Variants in LNX1 observed in about 807,000 individuals in gnomAD.
LNX1 encodes ligand of numb-protein X 1, also known as E3 ubiquitin-protein ligase LNX.
LNX1 carries 54 observed loss-of-function variants against 68.4 expected under a neutral mutation model. The observed-to-expected ratio is 0.79, with a 90% CI of 0.63 to 0.99. The LOEUF (loss-of-function observed/expected upper bound fraction) is 0.99, where lower values mean the gene tolerates loss of function less well. LNX1 is among the 50% of genes least tolerant of loss of function. The pLI is 0.00. For synonymous variants in LNX1, 336 were observed against 350.0 expected (o/e 0.96, Z 0.45); for missense variants, 906 against 926.4 (o/e 0.98, Z 0.29).
chr4:53,541,136 C>CAA (rs72599381), intron 2 of LNX1, among the ~76,000 whole-genome samples: 89 of 24,118 alleles, frequency 3.7e-3, no homozygotes, highest in South Asian at 0.011. Context: ...GACTCTAACT[C>CAA]AAAAAAAAAA....
chr4:53,507,408 C>A lies in LNX1; in HGVS notation c.684G>T (p.Leu228Phe). Residue 228 changes from leucine (L) to phenylalanine (F), a missense_variant, in exon 4 of 11, where the codon TTG (leucine) becomes TTT (phenylalanine). Physicochemically the swap from Leu to Phe is conservative, Grantham distance 22 (BLOSUM62 0). Coordinates refer to ENST00000263925, the MANE Select transcript of LNX1 (RefSeq NM_001126328.3). ...SRSFKKINRALSVLRRTKSGS... is the reference protein window; with the variant it reads ...SRSFKKINRAFSVLRRTKSGS... ...CGCTCTTTGTCCTTCGAAGAACACT[C>A]AAAGCTCGATTTATTTTTTTAAATG... The A allele has an allele frequency of 6.2e-7, 1 of 1,614,130 alleles. No homozygotes were observed. The highest frequency in any genetic ancestry group is 8.5e-7 in the Non-Finnish European group (1 of 1,180,016).
rs781631874 is a variant in LNX1, at chr4:53,460,880, C to CTGTT, written c.*23_*26dup. On this transcript the variant is annotated 3_prime_UTR_variant, in exon 11 of 11. Coordinates refer to ENST00000263925, the MANE Select transcript of LNX1 (RefSeq NM_001126328.3). ...ACTTCTTAGCCTATTTGTGATTTTTCTGTTTTCCTCTGACCCATCATTGAT... is the reference window on the plus strand; with the variant it reads ...ACTTCTTAGCCTATTTGTGATTTTTCTGTTTGTTTTCCTCTGACCCATCATTGAT... 1.3e-5 allele frequency: 20 copies of CTGTT among 1,586,626 alleles called. No homozygotes were observed. Among genetic ancestry groups the CTGTT allele is most frequent in the Non-Finnish European group, 1.7e-5 (20 of 1,168,666 alleles).
At chr4:53,485,874 A>G (rs747014079) in intron 6 of LNX1, among the ~76,000 whole-genome samples, 2 of 152,202 alleles carry the variant, frequency 1.3e-5, no homozygotes, top group Non-Finnish European at 2.9e-5. Flanking sequence ...CCTATGTGAT[A>G]TGTACCAAGA....
In LNX1 at chr4:53,573,634, G is replaced by C; in HGVS notation, c.369C>G (p.His123Gln). The change falls in exon 2 of 11, where the codon CAC becomes CAG. Residue 123 changes from histidine (H) to glutamine (Q), a missense_variant. By Grantham distance (24) the His-to-Gln change is conservative. Coordinates refer to ENST00000263925, the MANE Select transcript of LNX1 (RefSeq NM_001126328.3). The part of the protein sequence containing the change: ...QVLQRCDLEH[H>Q]FQTSCKGASH... ...GATGGGGGACCTACCTGGTTTGAAA[G>C]TGATGCTCGAGGTCACAGCGCTGCA... The C allele has an allele frequency of 6.2e-7, 1 of 1,601,824 alleles. No individual in the cohort carries two copies. The highest frequency in any genetic ancestry group is 8.5e-7 in the Non-Finnish European group (1 of 1,174,510).
chr4:53,565,689 C>T (rs2109753061), intron 2 of LNX1, among the ~76,000 whole-genome samples: 1 of 151,864 alleles, frequency 6.6e-6, no homozygotes, highest in East Asian at 1.9e-4. Context: ...TTCAGACGAT[C>T]AAATTACTCT....
chr4:53,536,797 A>T (rs1237782767), intron 2 of LNX1, among the ~76,000 whole-genome samples: 5 of 152,188 alleles, frequency 3.3e-5, no homozygotes, highest in Non-Finnish European at 7.3e-5. Context: ...TCTCAATTCT[A>T]CACCTAATGA....
rs1430562698 is a variant in LNX1 at position 53,460,133 on chromosome 4, G to A, written c.*774C>T. On this transcript the variant is annotated 3_prime_UTR_variant, in exon 11 of 11. Transcript: ENST00000263925. ...CTTCATTGTGGCACAAATTTAAATC[G>A]CCTCATGACCATGTCTGTGAGCCAG... 4.0e-5 allele frequency: 8 copies of A among 198,232 alleles called. No individual in the cohort carries two copies. The highest frequency in any genetic ancestry group is 2.3e-4 in the East Asian group (3 of 12,806). 12.3% of individuals were successfully genotyped at this position (198,232 alleles called of 1,614,324 possible). A position where few individuals can be genotyped will look rare whatever the true frequency, so the allele number is the denominator to read the frequency against.
Position 53,479,500 on chromosome 4 carries a change from A to G in LNX1, c.1486-758T>C, listed in dbSNP as rs544001706. ...TGTCCTGTCTCATGAACCAGTGTCC[A>G]TGACCATTTCCTTTCTTAACCAGAA... is the stretch of plus-strand genomic sequence containing the variant. On this transcript the variant is annotated intron_variant, in intron 7 of 10. Transcript: ENST00000263925. Among the ~76,000 whole-genome samples the G allele has an allele frequency of 2.6e-5, 4 of 152,324 alleles. No homozygotes were observed. The East Asian group carries it at 7.7e-4, about 29-fold the overall frequency.
intron 6 of LNX1, among the ~76,000 whole-genome samples, chr4:53,484,721 G>T (rs1724172202): frequency 6.6e-6 from 1 of 152,096 alleles, no homozygotes; most frequent in Non-Finnish European, 1.5e-5. Flanking sequence ...GATTTGGGTG[G>T]CTGTAAATTA....
chr4:53,508,344 G>T, intron 2 of LNX1, 117 bp from the exon 3 acceptor site: 4 of 1,286,550 alleles, frequency 3.1e-6, no homozygotes, highest in South Asian at 1.4e-5. Context: ...CTTGGAATTT[G>T]ATTTGCCTGC....
intron 2 of LNX1, chr4:53,558,316 G>T: frequency 3.7e-6 from 4 of 1,073,602 alleles, no homozygotes; most frequent in Non-Finnish European, 4.5e-6. Flanking sequence ...CACCGGCTGG[G>T]AGCAGACAGG....
In LNX1 at chr4:53,508,020, G is replaced by A. The variant is rs1334762446; in HGVS notation, c.588C>T (p.Ser196=). The A allele has an allele frequency of 1.2e-6, 2 of 1,614,000 alleles. No homozygotes were observed. The highest frequency in any genetic ancestry group is 1.7e-6 in the Non-Finnish European group (2 of 1,180,002). The stretch of plus-strand genomic sequence containing the variant: ...GGTTGCTCCGGCCAGAGTCCACTGG[G>A]CTGATTGCTGGCTGCCCGTCCTCTG... ...SSAEDGQPAI[S]PVDSGRSNRT... is the part of the protein sequence containing the mutation. Residue 196 remains serine (S), a synonymous_variant, in exon 3 of 11, where the codon AGC becomes AGT. Coordinates refer to ENST00000263925, the MANE Select transcript of LNX1 (RefSeq NM_001126328.3).
At chr4:53,636,346 G>A (rs1734476513) in intron 1 of LNX1, among the ~76,000 whole-genome samples, 1 of 152,028 alleles carries the variant, frequency 6.6e-6, no homozygotes, top group Non-Finnish European at 1.5e-5. Context: ...AACACAATGA[G>A]GATAAAGTGG....
At chr4:53,475,908 G>C (rs552588967) in intron 9 of LNX1, among the ~76,000 whole-genome samples, 2 of 152,180 alleles carry the variant, frequency 1.3e-5, no homozygotes, top group Non-Finnish European at 2.9e-5. Context: ...AAGGAGAGAT[G>C]ATCTAAGAAA....
Position 53,466,711 on chromosome 4 carries a change from G to T in LNX1, c.1893-5118C>A, listed in dbSNP as rs146916916. ...TTATATCCCGCACCTGGCTCGGAGG[G>T]TCCTATGCCCAAGGAGCCTTGCTCA... is the stretch of plus-strand genomic sequence containing the variant. On this transcript the variant is annotated intron_variant, in intron 9 of 10. Transcript: ENST00000263925. Among the ~76,000 whole-genome samples, 859 of 152,372 alleles carry T rather than the reference G, an allele frequency of 5.6e-3. 5 individuals carry two copies. The highest frequency in any genetic ancestry group is 0.02 in the African/African-American group (819 of 41,588).
Position 53,591,433 on chromosome 4 carries a change from C to A in LNX1, c.-132G>T. ...GGCTCTCCAAGCAGCAGCAGGCAGG[C>A]AGCTCTCATTCCTTGTGGGTGAACC... On this transcript the variant is annotated 5_prime_UTR_variant, in exon 1 of 11. Transcript: ENST00000263925. 5 of 985,786 alleles carry A rather than the reference C, an allele frequency of 5.1e-6. No homozygotes were observed. Among genetic ancestry groups the A allele is most frequent in the Non-Finnish European group, 6.0e-6 (5 of 830,248 alleles). 61.1% of individuals were successfully genotyped at this position (985,786 alleles called of 1,614,324 possible). A position where few individuals can be genotyped will look rare whatever the true frequency, so the allele number is the denominator to read the frequency against.
chr4:53,476,755 T>C lies in LNX1; in HGVS notation c.1890A>G (p.Pro630=). Residue 630 remains proline (P), a splice_region_variant and synonymous_variant, in exon 9 of 11, where the codon CCA becomes CCG. Coordinates refer to ENST00000263925, the MANE Select transcript of LNX1 (RefSeq NM_001126328.3). ...AGGGATGTTGTGTTTGGACTTACCGTGGTAATTCCAGCCACATGACCCAGG... is the reference window on the plus strand; with the variant it reads ...AGGGATGTTGTGTTTGGACTTACCGCGGTAATTCCAGCCACATGACCCAGG... ...SPSWVMWLEL[P]RCLYNCKDIV... The C allele has an allele frequency of 1.2e-6, 2 of 1,612,294 alleles. No homozygotes were observed. Among genetic ancestry groups the C allele is most frequent in the Non-Finnish European group, 1.7e-6 (2 of 1,178,320 alleles).
chr4:53,567,524 G>A (rs991314462), intron 2 of LNX1, among the ~76,000 whole-genome samples: 121 of 152,092 alleles, frequency 8.0e-4, no homozygotes, highest in Non-Finnish European at 1.4e-3. Flanking sequence ...ATAGCACTAA[G>A]TGCCCACAAG....
At chr4:53,585,214 A>G (rs1254046466) in intron 1 of LNX1, among the ~76,000 whole-genome samples, 1 of 152,182 alleles carries the variant, frequency 6.6e-6, no homozygotes, top group Non-Finnish European at 1.5e-5. Flanking sequence ...CTTATTAGAT[A>G]TCTCACACTG....
Sources: gnomAD v4.1 joint callset for allele counts (sites outside exome capture counted in the v4.1 genomes callset) on GRCh38, gnomAD v4.1.1 for gene constraint, MANE v1.5 for transcripts, NCBI Gene and HGNC (gene_info 2026-07-23, HGNC 2026-07-21) for gene names.